Variants in DST observed in about 807,000 individuals in gnomAD.
The protein encoded by DST is dystonin.
In DST, 253 loss-of-function variants were observed where a neutral mutation model predicts 875.2. That is an observed-to-expected ratio of 0.29 (90% confidence interval 0.26 to 0.32). The LOEUF (loss-of-function observed/expected upper bound fraction) is 0.32, where lower values mean the gene tolerates loss of function less well. DST is among the 10% of genes least tolerant of loss of function. The pLI, the probability that DST is intolerant of heterozygous loss-of-function variation, is 1.00. For synonymous variants in DST, 3,124 were observed against 3,197.1 expected (o/e 0.98, Z 0.77); for missense variants, 8,287 against 9,111.6 (o/e 0.91, Z 3.68).
rs191990649 is a variant in DST, at chr6:56,702,857, T to C, written c.876+791A>G. Among the ~76,000 whole-genome samples the C allele has an allele frequency of 4.5e-3, 687 of 152,180 alleles. 7 individuals carry two copies. The highest frequency in any genetic ancestry group is 0.016 in the African/African-American group (670 of 41,482). Reference sequence around the variant, plus strand: ...GACAGCTTGGCTTCTTCAATATGTATAGGTTGCTGAAGCCAAAGGTGCCAT... The same window carrying C: ...GACAGCTTGGCTTCTTCAATATGTACAGGTTGCTGAAGCCAAAGGTGCCAT... On this transcript the variant is annotated intron_variant, in intron 7 of 103. Coordinates refer to ENST00000680361, the MANE Select transcript of DST (RefSeq NM_001374736.1).
intron 7 of DST, among the ~76,000 whole-genome samples, chr6:56,702,462 A>G (rs1344458387): frequency 6.6e-6 from 1 of 152,146 alleles, no homozygotes; most frequent in Non-Finnish European, 1.5e-5. Context: ...CAGTTAGTAT[A>G]AAAATCACCA....
chr6:56,598,141 C>G, intron 46 of DST, 135 bp from the exon 47 acceptor site: 1 of 884,234 alleles, frequency 1.1e-6, no homozygotes, highest in Non-Finnish European at 1.6e-6. Flanking sequence ...GAAAACTTAA[C>G]AACTGAAATT....
At chr6:56,708,363 T>A (rs1201585677) in intron 5 of DST, among the ~76,000 whole-genome samples, 2 of 152,096 alleles carry the variant, frequency 1.3e-5, no homozygotes, top group African/African-American at 4.8e-5. Flanking sequence ...CTCTTAAGAC[T>A]TATGGCTTAA....
chr6:56,610,424 T>C lies in DST; in HGVS notation c.5283+3A>G. 1 of 1,542,582 alleles carries C rather than the reference T, an allele frequency of 6.5e-7. No homozygotes were observed. Among genetic ancestry groups the C allele is most frequent in the Non-Finnish European group, 8.7e-7 (1 of 1,144,144 alleles). The stretch of plus-strand genomic sequence containing the variant: ...AGCCTCATGTTTAAATAAATAATAT[T>C]ACCTTCTCCTCTACCTTTACATCTC... On this transcript the variant is annotated splice_donor_region_variant and intron_variant, in intron 39 of 103. Transcript: ENST00000680361.
At chr6:56,883,897 A>T (rs903507546) in intron 3 of DST, among the ~76,000 whole-genome samples, 10 of 152,154 alleles carry the variant, frequency 6.6e-5, no homozygotes, top group African/African-American at 2.4e-4. Flanking sequence ...TCAATCTAAA[A>T]TATTTTTATA....
chr6:56,604,795 T>C lies in DST; in HGVS notation c.9833A>G (p.Lys3278Arg), dbSNP rs987690281. Reference protein sequence around the residue: ...IEATLSILSRKHVEDVGKNDF... With the variant: ...IEATLSILSRRHVEDVGKNDF... ...ATTTTTCCCAACATCTTCTACATGT[T>C]TACGAGATAATATTGAAAGTGTGGC... is the stretch of plus-strand genomic sequence containing the variant. The change falls in exon 40 of 104, where the codon AAA (lysine) becomes AGA (arginine). Residue 3278 changes from lysine to arginine, a missense_variant. Lys to Arg is a conservative substitution (Grantham distance 26). Coordinates refer to ENST00000680361, the MANE Select transcript of DST (RefSeq NM_001374736.1). The C allele has an allele frequency of 2.5e-6, 4 of 1,612,938 alleles. No homozygotes were observed. In the Admixed American group the frequency reaches 6.7e-5, roughly 27 times the overall value.
intron 71 of DST, among the ~76,000 whole-genome samples, chr6:56,516,714 C>T (rs2096602151): frequency 6.6e-6 from 1 of 152,104 alleles, no homozygotes; most frequent in African/African-American, 2.4e-5. Flanking sequence ...ATTAAAACTA[C>T]ACAAGCTGAA....
rs1278135073 is a variant in DST, at chr6:56,458,659, T to C, written c.*346A>G. The stretch of plus-strand genomic sequence containing the variant: ...ATAAAAACAGGAAAATGTCATGAGG[T>C]ATCCCTAACGTCAGGGATTGATGTA... On this transcript the variant is annotated 3_prime_UTR_variant, in exon 104 of 104. Coordinates refer to ENST00000680361, the MANE Select transcript of DST (RefSeq NM_001374736.1). The C allele has an allele frequency of 5.9e-6, 1 of 169,988 alleles. No individual in the cohort carries two copies. The highest frequency in any genetic ancestry group is 1.6e-4 in the East Asian group (1 of 6,232). 10.5% of individuals were successfully genotyped at this position (169,988 alleles called of 1,614,324 possible).
At chr6:56,933,168 C>G (rs1279436760) in intron 2 of DST, among the ~76,000 whole-genome samples, 1 of 152,102 alleles carries the variant, frequency 6.6e-6, no homozygotes, top group Admixed American at 6.6e-5. Context: ...AGCTAACAAT[C>G]TTTTCTGCTG....
At chr6:56,715,870 C>A (rs1273177821) in intron 5 of DST, among the ~76,000 whole-genome samples, 3 of 152,294 alleles carry the variant, frequency 2.0e-5, no homozygotes, top group Non-Finnish European at 2.9e-5. Flanking sequence ...TCATTTATTG[C>A]CCCTCTAAAA....
intron 9 of DST, among the ~76,000 whole-genome samples, chr6:56,673,940 T>A (rs1450506014): frequency 6.6e-6 from 1 of 152,238 alleles, no homozygotes; most frequent in Non-Finnish European, 1.5e-5. Flanking sequence ...TTTAAAATAC[T>A]GTTACCATTA....
chr6:56,564,727 T>G (rs1283768057), intron 55 of DST, among the ~76,000 whole-genome samples: 1 of 152,202 alleles, frequency 6.6e-6, no homozygotes, highest in African/African-American at 2.4e-5. Context: ...ATAACTCTTA[T>G]TGTTTTGAGA....
intron 74 of DST, 92 bp from the exon 75 acceptor site, chr6:56,508,847 CAATTTGCTA>C: frequency 9.5e-7 from 1 of 1,052,800 alleles, no homozygotes; most frequent in South Asian, 1.7e-5. Context: ...AGTAGTGATC[CAATTTGCTA>C]AGTATCTAAA....
At chr6:56,739,191 G>A (rs140823362) in intron 4 of DST, among the ~76,000 whole-genome samples, 78 of 150,050 alleles carry the variant, frequency 5.2e-4, no homozygotes, top group Non-Finnish European at 8.6e-4. Flanking sequence ...TTTTATTTCA[G>A]GAAGGACAAT....
At chr6:56,702,428 A>G (rs7743127) in intron 7 of DST, among the ~76,000 whole-genome samples, 1,750 of 152,102 alleles carry the variant, frequency 0.012, 29 homozygotes, top group African/African-American at 0.04. Context: ...TGGCATATTA[A>G]TGAAAATGAG....
rs71549712 is a variant in DST, at chr6:56,505,481, G to GAA, written c.19464+960_19464+961dup. Among the ~76,000 whole-genome samples the GAA allele has an allele frequency of 1.1e-3, 147 of 139,706 alleles. 1 individual carries two copies. The Middle Eastern group carries it at 0.012, about 11-fold the overall frequency. The allele number at this position is 139,706 out of a possible 152,430, so 91.7% of individuals were successfully genotyped here. A position where few individuals can be genotyped will look rare whatever the true frequency, so the allele number is the denominator to read the frequency against. On this transcript the variant is annotated intron_variant, in intron 77 of 103. Coordinates refer to ENST00000680361, the MANE Select transcript of DST (RefSeq NM_001374736.1). ...GTAAATTATCACTTAGGTTACAAAA[G>GAA]AAAAAAAAAAAAAGAAGAGGGAGGG...
chr6:56,691,139 C>G (rs2099225918), intron 9 of DST, among the ~76,000 whole-genome samples: 1 of 152,076 alleles, frequency 6.6e-6, no homozygotes, highest in African/African-American at 2.4e-5. Context: ...TCCATTAATG[C>G]AAAAATGTAC....
At chr6:56,692,354 A>C in intron 9 of DST, 1 of 1,141,762 alleles carries the variant, frequency 8.8e-7, no homozygotes, top group Non-Finnish European at 1.1e-6. Flanking sequence ...TGGAACACTT[A>C]TTTACTTGAA....
chr6:56,881,811 C>A (rs1782353934), intron 3 of DST, among the ~76,000 whole-genome samples: 1 of 151,928 alleles, frequency 6.6e-6, no homozygotes, highest in Non-Finnish European at 1.5e-5. Flanking sequence ...TATAATTTGC[C>A]ATCAGTGGAA....
Sources: gnomAD v4.1 joint callset for allele counts (sites outside exome capture counted in the v4.1 genomes callset) on GRCh38, gnomAD v4.1.1 for gene constraint, MANE v1.5 for transcripts, NCBI Gene and HGNC (gene_info 2026-07-23, HGNC 2026-07-21) for gene names.